STK32B: variants seen among roughly 807,000 people sequenced by gnomAD.
The protein encoded by STK32B is serine/threonine kinase 32B.
A neutral mutation model predicts 52.6 loss-of-function variants in STK32B; 43 were observed. The ratio of observed to expected loss-of-function variants is 0.82; its 90% CI spans 0.64 to 1.05. The LOEUF (loss-of-function observed/expected upper bound fraction) is 1.05, where lower values mean the gene tolerates loss of function less well. Ranked by LOEUF, STK32B falls within the 50% of genes least tolerant of loss-of-function variation. STK32B has a pLI of 0.00. For synonymous variants in STK32B, 238 were observed against 204.3 expected, an observed-to-expected ratio of 1.17 and a Z score of -1.41; for missense variants, 621 against 534.6, an observed-to-expected ratio of 1.16 and a Z score of -1.59.
chr4:5,337,338 C>G (rs549714771), intron 4 of STK32B, among the ~76,000 whole-genome samples: 4 of 152,046 alleles, frequency 2.6e-5, no homozygotes, highest in African/African-American at 7.2e-5. Context: ...CGCTATTCAA[C>G]CATGTGTGAG....
intron 5 of STK32B, among the ~76,000 whole-genome samples, chr4:5,410,121 A>G (rs990797462): frequency 2.0e-5 from 3 of 152,166 alleles, no homozygotes; most frequent in Non-Finnish European, 2.9e-5. Flanking sequence ...GAACAGTGGC[A>G]GCCAATGTTA....
chr4:5,122,292 ACC>A (rs1347441432), intron 1 of STK32B, among the ~76,000 whole-genome samples: 8 of 151,702 alleles, frequency 5.3e-5, no homozygotes, highest in African/African-American at 1.9e-4. Context: ...CCATTCACTC[ACC>A]CATTCATGCA....
At chr4:5,352,719 C>T (rs1733913915) in intron 4 of STK32B, among the ~76,000 whole-genome samples, 1 of 139,804 alleles carries the variant, frequency 7.2e-6, no homozygotes, top group Admixed American at 7.3e-5. Flanking sequence ...CACCAAAATA[C>T]TCTTAGATCT....
intron 1 of STK32B, among the ~76,000 whole-genome samples, chr4:5,076,490 C>G (rs1577052236): frequency 1.3e-5 from 2 of 152,230 alleles, no homozygotes; most frequent in East Asian, 3.9e-4. Context: ...AGTGGAATTA[C>G]TAGACAAAAG....
At chr4:5,198,544 G>T (rs771378271) in intron 3 of STK32B, among the ~76,000 whole-genome samples, 3 of 152,244 alleles carry the variant, frequency 2.0e-5, no homozygotes, top group Non-Finnish European at 4.4e-5. Flanking sequence ...GCTATGCTTC[G>T]CCATCTGGGG....
intron 3 of STK32B, among the ~76,000 whole-genome samples, chr4:5,271,292 T>C (rs1727412998): frequency 6.6e-6 from 1 of 152,152 alleles, no homozygotes; most frequent in South Asian, 2.1e-4. Flanking sequence ...GGGATAGATC[T>C]GGATAAACAT....
chr4:5,236,131 C>T (rs1036777078), intron 3 of STK32B, among the ~76,000 whole-genome samples: 16 of 152,098 alleles, frequency 1.1e-4, no homozygotes, highest in African/African-American at 3.9e-4. Context: ...TTCAAGGTAG[C>T]ATAGCTTGCA....
At chr4:5,382,360 G>T (rs1735986442) in intron 4 of STK32B, among the ~76,000 whole-genome samples, 1 of 152,126 alleles carries the variant, frequency 6.6e-6, no homozygotes, top group African/African-American at 2.4e-5. Flanking sequence ...ACAGAAAACT[G>T]CTATGAGAAT....
At chr4:5,419,189 G>A (rs1174933571) in intron 6 of STK32B, among the ~76,000 whole-genome samples, 4 of 152,196 alleles carry the variant, frequency 2.6e-5, no homozygotes, top group African/African-American at 7.2e-5. Flanking sequence ...TTAGAAGATG[G>A]TGTGGTTCAG....
intron 7 of STK32B, chr4:5,447,291 T>C (rs892885636): frequency 6.5e-6 from 1 of 153,414 alleles, no homozygotes; most frequent in Admixed American, 6.4e-5. Context: ...TTAATGGGGC[T>C]ATTTGGTGGC....
intron 3 of STK32B, among the ~76,000 whole-genome samples, chr4:5,246,852 T>C (rs1725491144): frequency 1.3e-5 from 2 of 152,238 alleles, no homozygotes; most frequent in South Asian, 4.1e-4. Context: ...AGACCCCGTT[T>C]TCCTGGGTAT....
chr4:5,331,937 G>C (rs1732279742), intron 4 of STK32B, among the ~76,000 whole-genome samples: 1 of 152,132 alleles, frequency 6.6e-6, no homozygotes, highest in Non-Finnish European at 1.5e-5. Context: ...AAGTGACTTT[G>C]CCTGCAGAAG....
At chr4:5,185,075 A>C (rs1263342635) in intron 3 of STK32B, among the ~76,000 whole-genome samples, 1 of 152,222 alleles carries the variant, frequency 6.6e-6, no homozygotes, top group South Asian at 2.1e-4. Context: ...CTTTTGGAAA[A>C]TGTGTCTTGC....
chr4:5,036,266 C>T, the STK32B span, among the ~76,000 whole-genome samples: 2 of 152,184 alleles, frequency 1.3e-5, no homozygotes, highest in African/African-American at 4.8e-5. Flanking sequence ...TTGTCCCCCA[C>T]TGAGTACCCA....
chr4:5,329,554 C>T (rs1293074260), intron 3 of STK32B, among the ~76,000 whole-genome samples: 1 of 152,184 alleles, frequency 6.6e-6, no homozygotes, highest in Non-Finnish European at 1.5e-5. Flanking sequence ...CTCGCCTGCA[C>T]CCTGGAAAGA....
chr4:5,347,120 G>C (rs570708755), intron 4 of STK32B, among the ~76,000 whole-genome samples: 10 of 152,164 alleles, frequency 6.6e-5, no homozygotes, highest in Non-Finnish European at 1.5e-4. Context: ...TTTGGGTGGG[G>C]ACACAGAGCC....
chr4:5,304,432 T>TC (rs1729781941), intron 3 of STK32B, among the ~76,000 whole-genome samples: 1 of 151,648 alleles, frequency 6.6e-6, no homozygotes. Context: ...GGTTTTTTTT[T>TC]TTTTTGCAGC....
intron 3 of STK32B, among the ~76,000 whole-genome samples, chr4:5,260,001 A>AG (rs1291930322): frequency 4.0e-5 from 6 of 151,722 alleles, no homozygotes; most frequent in South Asian, 2.1e-4. Flanking sequence ...AATCTTCCTG[A>AG]GGGGGGGTCA....
intron 7 of STK32B, among the ~76,000 whole-genome samples, chr4:5,455,171 G>A (rs1243388903): frequency 6.6e-6 from 1 of 152,210 alleles, no homozygotes; most frequent in Non-Finnish European, 1.5e-5. Flanking sequence ...AGATAAAGGT[G>A]TCCCTTCACT....
Sources: allele counts gnomAD v4.1 joint callset (sites outside exome capture counted in the v4.1 genomes callset), GRCh38; gene constraint gnomAD v4.1.1; transcripts MANE v1.5; gene names NCBI Gene and HGNC (gene_info 2026-07-23, HGNC 2026-07-21).